Variants in SLC39A9 observed in about 807,000 individuals in gnomAD.
SLC39A9 encodes the protein zinc transporter ZIP9.
SLC39A9 carries 14 observed loss-of-function variants against 28.4 expected under a neutral mutation model. The ratio of observed to expected loss-of-function variants is 0.49; its 90% CI spans 0.33 to 0.77. The LOEUF (loss-of-function observed/expected upper bound fraction) is 0.77. Ranked by LOEUF, SLC39A9 falls within the 30% of genes least tolerant of loss-of-function variation. SLC39A9 has a pLI of 0.02. For synonymous variants in SLC39A9, 119 were observed against 149.6 expected, an observed-to-expected ratio of 0.80 and a Z score of 1.49; for missense variants, 283 against 381.1, an observed-to-expected ratio of 0.74 and a Z score of 2.14.
intron 2 of SLC39A9, among the ~76,000 whole-genome samples, chr14:69,440,010 G>A (rs1884964661): frequency 6.6e-6 from 1 of 152,194 alleles, no homozygotes; most frequent in Admixed American, 6.5e-5. Context: ...CATGGCTGGG[G>A]AGGCCTCAGG....
intron 2 of SLC39A9, among the ~76,000 whole-genome samples, chr14:69,440,906 G>GC (rs778375414): frequency 6.6e-5 from 10 of 152,212 alleles, no homozygotes; most frequent in Non-Finnish European, 1.3e-4. Flanking sequence ...CTCGTGATCT[G>GC]CCCCCCTTGG....
intron 6 of SLC39A9, 63 bp from the exon 7 acceptor site, chr14:69,458,291 TAACTGGGAC>T: frequency 6.4e-7 from 1 of 1,568,446 alleles, no homozygotes; most frequent in Admixed American, 1.7e-5. Flanking sequence ...GAGTGTTTTT[TAACTGGGAC>T]TTCTTCCTGA....
At chr14:69,402,378 A>C (rs182310559) in intron 1 of SLC39A9, among the ~76,000 whole-genome samples, 239 of 152,328 alleles carry the variant, frequency 1.6e-3, no homozygotes, top group Middle Eastern at 6.8e-3. Context: ...CTTTTTATTC[A>C]TGTTTTTAAT....
intron 1 of SLC39A9, among the ~76,000 whole-genome samples, chr14:69,409,046 T>A (rs2140251960): frequency 6.6e-6 from 1 of 152,334 alleles, no homozygotes; most frequent in South Asian, 2.1e-4. Context: ...GCCTCAAGTT[T>A]AGTAAGTACA....
intron 5 of SLC39A9, among the ~76,000 whole-genome samples, chr14:69,455,319 G>T (rs11844453): frequency 0.026 from 3,932 of 151,964 alleles, 178 homozygotes; most frequent in African/African-American, 0.09. Context: ...TTTTGTGTGT[G>T]TGTGGGTTTT....
At chr14:69,428,649 G>GGTTTTT (rs1884326608) in intron 2 of SLC39A9, 1 of 152,564 alleles carries the variant, frequency 6.6e-6, no homozygotes, top group Non-Finnish European at 1.5e-5. Context: ...AGATCCTGGA[G>GGTTTTT]GTTTTTTTCA....
rs570560104 is a variant in SLC39A9 at position 69,454,324 on chromosome 14, G to A, written c.473-488G>A. Among the ~76,000 whole-genome samples the A allele has an allele frequency of 2.0e-5, 3 of 152,266 alleles. No individual in the cohort carries two copies. In the East Asian group the frequency reaches 5.8e-4, roughly 29 times the overall value. Reference sequence around the variant, plus strand: ...CTCACTCTGTTGCCGAGGCTGGAGTGCACTGGCACGATTCGGCTCATTGCA... The same window carrying A: ...CTCACTCTGTTGCCGAGGCTGGAGTACACTGGCACGATTCGGCTCATTGCA... On this transcript the variant is annotated intron_variant, in intron 4 of 6. Transcript: ENST00000336643.
In SLC39A9 at chr14:69,458,495, G is replaced by A. The variant is rs201528953; in HGVS notation, c.826G>A (p.Asp276Asn). Residue 276 changes from aspartate to asparagine, a missense_variant, in exon 7 of 7, where the codon GAT becomes AAT. Transcript: ENST00000336643. ...VGGIGHSHKP[D>N]ATGGRGLSRL... ...CGGAATAGGGCACAGCCACAAGCCC[G>A]ATGCCACGGGAGGGAGAGGCCTCAG... 4.5e-5 allele frequency: 72 copies of A among 1,614,240 alleles called. No individual in the cohort carries two copies. The highest frequency in any genetic ancestry group is 2.8e-4 in the Admixed American group (17 of 60,030).
At chr14:69,423,993 C>A in intron 1 of SLC39A9, 101 bp from the exon 2 acceptor site, 1 of 727,348 alleles carries the variant, frequency 1.4e-6, no homozygotes, top group South Asian at 1.7e-5. Flanking sequence ...AGATGTTGGT[C>A]TCACAAATGA....
intron 1 of SLC39A9, 29 bp downstream of exon 1, chr14:69,399,494 G>C: frequency 6.3e-7 from 1 of 1,588,726 alleles, no homozygotes; most frequent in South Asian, 1.1e-5. Context: ...TCTGTCAGCT[G>C]TCAGGATGGC....
intron 1 of SLC39A9, among the ~76,000 whole-genome samples, chr14:69,415,021 A>G (rs1022744869): frequency 7.2e-5 from 11 of 152,152 alleles, no homozygotes; most frequent in Non-Finnish European, 1.5e-4. Context: ...GTGGTATTCC[A>G]TTGTTTAAAT....
At position 69,458,866 on chromosome 14, in the gene SLC39A9, A is replaced by G. The variant is rs1594956918; in HGVS notation, c.*273A>G. The G allele has an allele frequency of 1.0e-5, 12 of 1,159,012 alleles. No homozygotes were observed. Among genetic ancestry groups the G allele is most frequent in the African/African-American group, 4.7e-5 (3 of 63,824 alleles). 71.8% of individuals were successfully genotyped at this position (1,159,012 alleles called of 1,614,324 possible). A position where few individuals can be genotyped will look rare whatever the true frequency, so the allele number is the denominator to read the frequency against. ...GCGTTTTAATATTTCTCTTAACCCT[A>G]TTCTCAGGGAAGATGGAATTTAGTT... On this transcript the variant is annotated 3_prime_UTR_variant, in exon 7 of 7. Transcript: ENST00000336643.
chr14:69,403,837 A>C (rs754273238), intron 1 of SLC39A9, among the ~76,000 whole-genome samples: 1 of 152,142 alleles, frequency 6.6e-6, no homozygotes, highest in African/African-American at 2.4e-5. Context: ...TGAGGTCGGG[A>C]GTTCGAGACC....
chr14:69,450,337 C>T (rs1041566988), intron 3 of SLC39A9, among the ~76,000 whole-genome samples: 1 of 152,126 alleles, frequency 6.6e-6, no homozygotes, highest in Non-Finnish European at 1.5e-5. Context: ...GAAATGGCCA[C>T]TTCACTTCTA....
At chr14:69,419,937 T>G (rs2140269036) in intron 1 of SLC39A9, among the ~76,000 whole-genome samples, 1 of 152,366 alleles carries the variant, frequency 6.6e-6, no homozygotes, top group Middle Eastern at 3.4e-3. Flanking sequence ...CTGATGGGTC[T>G]TAACTCTTTA....
intron 1 of SLC39A9, among the ~76,000 whole-genome samples, chr14:69,410,560 G>C (rs1281678970): frequency 6.6e-6 from 1 of 152,170 alleles, no homozygotes; most frequent in African/African-American, 2.4e-5. Context: ...AAGCTTTTGG[G>C]CATCTTGTTT....
At position 69,461,400 on chromosome 14, in the gene SLC39A9, G is replaced by A; in HGVS notation, c.*2807G>A. 8.1e-7 allele frequency: 1 copy of A among 1,229,866 alleles called. No homozygotes were observed. The highest frequency in any genetic ancestry group is 1.0e-6 in the Non-Finnish European group (1 of 975,250). 76.2% of individuals were successfully genotyped at this position (1,229,866 alleles called of 1,614,324 possible). A position where few individuals can be genotyped will look rare whatever the true frequency, so the allele number is the denominator to read the frequency against. On this transcript the variant is annotated 3_prime_UTR_variant, in exon 7 of 7. Coordinates refer to ENST00000336643, the MANE Select transcript of SLC39A9 (RefSeq NM_018375.5). ...TCCAGGTTTGATTCAGTTTTCCTGT[G>A]CACACTATTGCCAAATTTTTTTTTA...
At chr14:69,404,480 A>G (rs765866246) in intron 1 of SLC39A9, among the ~76,000 whole-genome samples, 3 of 152,210 alleles carry the variant, frequency 2.0e-5, no homozygotes, top group Non-Finnish European at 2.9e-5. Context: ...AACATAATAA[A>G]AACTTTCAAA....
intron 1 of SLC39A9, among the ~76,000 whole-genome samples, chr14:69,406,971 C>G (rs10142738): frequency 6.0e-5 from 9 of 149,690 alleles, no homozygotes; most frequent in Non-Finnish European, 8.9e-5. Flanking sequence ...CTGCCTCAGC[C>G]CCCCCAGTAG....
Sources: gnomAD v4.1 joint callset for allele counts (sites outside exome capture counted in the v4.1 genomes callset) on GRCh38, gnomAD v4.1.1 for gene constraint, MANE v1.5 for transcripts, NCBI Gene and HGNC (gene_info 2026-07-23, HGNC 2026-07-21) for gene names.